The following UNC5D variants were observed in gnomAD, a reference collection of about 807,000 sequenced individuals.
UNC5D encodes the protein unc-5 netrin receptor D.
Under a neutral mutation model 105.4 loss-of-function variants are expected in UNC5D, and 39 were observed. That is an observed-to-expected ratio of 0.37 (90% CI 0.29 to 0.48). The LOEUF (loss-of-function observed/expected upper bound fraction) is 0.48, where lower values mean the gene tolerates loss of function less well. Ranked by LOEUF, UNC5D falls within the 20% of genes least tolerant of loss-of-function variation. The probability of loss-of-function intolerance (pLI) is 0.98; values close to 1 mark genes in which losing one functional copy is unlikely to be tolerated. For synonymous variants in UNC5D, 452 were observed against 450.4 expected (o/e 1.00, Z -0.04); for missense variants, 991 against 1,202.4 (o/e 0.82, Z 2.60).
intron 4 of UNC5D, among the ~76,000 whole-genome samples, chr8:35,620,235 A>G (rs1821277252): frequency 6.6e-6 from 1 of 152,082 alleles, no homozygotes; most frequent in Non-Finnish European, 1.5e-5. Flanking sequence ...CCTTCCATTT[A>G]CCAGTAACTT....
At chr8:35,732,864 A>C (rs1179628686) in intron 11 of UNC5D, among the ~76,000 whole-genome samples, 1 of 152,128 alleles carries the variant, frequency 6.6e-6, no homozygotes, top group Admixed American at 6.5e-5. Context: ...CTTACCTGCA[A>C]TTTTAAAGTA....
intron 1 of UNC5D, among the ~76,000 whole-genome samples, chr8:35,475,095 G>T (rs1006201670): frequency 1.3e-5 from 2 of 152,154 alleles, no homozygotes; most frequent in Non-Finnish European, 2.9e-5. Context: ...AATACTCAGG[G>T]ATAAGGGAAA....
At chr8:35,457,611 A>T (rs1248294603) in intron 1 of UNC5D, among the ~76,000 whole-genome samples, 1 of 152,168 alleles carries the variant, frequency 6.6e-6, no homozygotes, top group Admixed American at 6.6e-5. Flanking sequence ...TGGAGGCAGA[A>T]ATATGGAGAA....
intron 8 of UNC5D, among the ~76,000 whole-genome samples, chr8:35,711,772 C>CTA (rs1019114882): frequency 6.6e-6 from 1 of 152,186 alleles, no homozygotes; most frequent in Non-Finnish European, 1.5e-5. Context: ...CCGTATCAAA[C>CTA]TATCCCGTTT....
chr8:35,759,814 A>G (rs1026871100), intron 14 of UNC5D, among the ~76,000 whole-genome samples: 1 of 152,160 alleles, frequency 6.6e-6, no homozygotes, highest in Non-Finnish European at 1.5e-5. Flanking sequence ...TCAGTTCATT[A>G]TGAGACAGCA....
At chr8:35,335,257 T>TTG (rs1810938849) in intron 1 of UNC5D, among the ~76,000 whole-genome samples, 1 of 152,200 alleles carries the variant, frequency 6.6e-6, no homozygotes, top group Non-Finnish European at 1.5e-5. Context: ...GTGCAAACCT[T>TTG]TGTGTGGTAA....
chr8:35,737,103 C>T (rs1329727601), intron 11 of UNC5D, among the ~76,000 whole-genome samples: 1 of 152,096 alleles, frequency 6.6e-6, no homozygotes, highest in African/African-American at 2.4e-5. Flanking sequence ...TCAAAAGCAT[C>T]TCAATTTGGG....
intron 1 of UNC5D, among the ~76,000 whole-genome samples, chr8:35,250,400 A>G (rs1330582241): frequency 6.6e-6 from 1 of 152,150 alleles, no homozygotes; most frequent in African/African-American, 2.4e-5. Context: ...CAGGGGGTGC[A>G]TGTGCAGGCT....
chr8:35,549,753 T>C (rs1815970193), intron 2 of UNC5D, among the ~76,000 whole-genome samples: 1 of 152,140 alleles, frequency 6.6e-6, no homozygotes, highest in Non-Finnish European at 1.5e-5. Flanking sequence ...AAACACCAAA[T>C]TTTGTATGAA....
intron 7 of UNC5D, among the ~76,000 whole-genome samples, chr8:35,698,235 CCT>C: frequency 6.8e-6 from 1 of 146,588 alleles, no homozygotes; most frequent in Non-Finnish European, 1.5e-5. Flanking sequence ...TCACATAGCT[CCT>C]TTTTTTTTTT....
At chr8:35,737,756 T>A (rs7812475) in intron 11 of UNC5D, among the ~76,000 whole-genome samples, 22,223 of 152,096 alleles carry the variant, frequency 0.15, 3,823 homozygotes, top group African/African-American at 0.41. Context: ...TGAACTGATA[T>A]CATAAATAAT....
chr8:35,628,146 T>G (rs1475837046), intron 4 of UNC5D, among the ~76,000 whole-genome samples: 1 of 152,134 alleles, frequency 6.6e-6, no homozygotes, highest in Admixed American at 6.5e-5. Flanking sequence ...CTTACTTATT[T>G]TTTTTGAGAC....
rs901943483 is a variant in UNC5D, at chr8:35,321,333, T to C, written c.103+85446T>C. On this transcript the variant is annotated intron_variant, in intron 1 of 16. Transcript: ENST00000404895. ...TGAATTGTAATCCCCATAATACCCATGTATCAAGGGAGAGACCAGGTGGAG... is the reference window on the plus strand; with the variant it reads ...TGAATTGTAATCCCCATAATACCCACGTATCAAGGGAGAGACCAGGTGGAG... 7.9e-5 allele frequency among the ~76,000 whole-genome samples: 12 copies of C among 152,224 alleles called. No individual in the cohort carries two copies. In the East Asian group the frequency reaches 1.7e-3, roughly 22 times the overall value.
chr8:35,381,816 C>G (rs1803060427), intron 1 of UNC5D, among the ~76,000 whole-genome samples: 2 of 152,152 alleles, frequency 1.3e-5, no homozygotes, highest in Non-Finnish European at 2.9e-5. Flanking sequence ...GTTTTGCACA[C>G]CTGCGTAGGC....
intron 16 of UNC5D, among the ~76,000 whole-genome samples, chr8:35,788,589 AC>A (rs1359497155): frequency 6.6e-6 from 1 of 152,212 alleles, no homozygotes; most frequent in Admixed American, 6.6e-5. Context: ...TTGAATAAAC[AC>A]CTATCATAGT....
chr8:35,342,173 A>G (rs575757343), intron 1 of UNC5D, among the ~76,000 whole-genome samples: 2 of 152,238 alleles, frequency 1.3e-5, no homozygotes, highest in East Asian at 1.9e-4. Context: ...TGTAAATAAT[A>G]TAAAACTCAG....
At chr8:35,253,700 A>G (rs992834603) in intron 1 of UNC5D, among the ~76,000 whole-genome samples, 4 of 151,878 alleles carry the variant, frequency 2.6e-5, no homozygotes, top group Admixed American at 6.6e-5. Context: ...CATGTTAGCT[A>G]GGATGATTTC....
chr8:35,424,709 T>C (rs1806128789), intron 1 of UNC5D, among the ~76,000 whole-genome samples: 1 of 152,220 alleles, frequency 6.6e-6, no homozygotes, highest in African/African-American at 2.4e-5. Flanking sequence ...CTCTATAGTG[T>C]GGGCTTAGGA....
chr8:35,380,275 G>A (rs1802968706), intron 1 of UNC5D, among the ~76,000 whole-genome samples: 2 of 150,828 alleles, frequency 1.3e-5, no homozygotes, highest in Non-Finnish European at 2.9e-5. Context: ...CTTCACGTAA[G>A]GTCCTAGTCC....
Sources: allele counts gnomAD v4.1 joint callset (sites outside exome capture counted in the v4.1 genomes callset), GRCh38; gene constraint gnomAD v4.1.1; transcripts MANE v1.5; gene names NCBI Gene and HGNC (gene_info 2026-07-23, HGNC 2026-07-21).